CSF1R: variants seen among roughly 807,000 people sequenced by gnomAD.
CSF1R encodes macrophage colony-stimulating factor 1 receptor.
Under a neutral mutation model 110.0 loss-of-function variants are expected in CSF1R, and 40 were observed. The ratio of observed to expected loss-of-function variants is 0.36; its 90% CI spans 0.28 to 0.47. The LOEUF is 0.47. CSF1R is among the 20% of genes least tolerant of loss of function. The pLI is 0.99. For missense variants in CSF1R, 1,052 were observed against 1,253.0 expected, an observed-to-expected ratio of 0.84 and a Z score of 2.42; for synonymous variants, 523 against 503.4, an observed-to-expected ratio of 1.04 and a Z score of -0.52.
At chr5:150,060,816 C>T in intron 13 of CSF1R, 46 bp downstream of exon 13, 1 of 1,317,728 alleles carries the variant, frequency 7.6e-7, no homozygotes, top group East Asian at 2.4e-5. Context: ...CCTGAGATTC[C>T]CCAGAGGCCC....
chr5:150,064,583 C>T (rs978890237), intron 10 of CSF1R, among the ~76,000 whole-genome samples: 28 of 152,138 alleles, frequency 1.8e-4, no homozygotes, highest in East Asian at 1.9e-4. Flanking sequence ...AGCAACAAGG[C>T]AAGGAGGGGA....
At chr5:150,093,386 A>G (rs1021033788) in intron 1 of CSF1R, among the ~76,000 whole-genome samples, 1 of 152,140 alleles carries the variant, frequency 6.6e-6, no homozygotes, top group South Asian at 2.1e-4. Flanking sequence ...CCCTCATGCT[A>G]TATTTAAAGT....
chr5:150,063,881 G>C (rs1269724399), intron 10 of CSF1R, among the ~76,000 whole-genome samples: 1 of 152,152 alleles, frequency 6.6e-6, no homozygotes, highest in African/African-American at 2.4e-5. Context: ...CTGCAGCTGG[G>C]CTCCTTCCCT....
chr5:150,062,901 G>A (rs1437326436), intron 10 of CSF1R, among the ~76,000 whole-genome samples: 3 of 152,190 alleles, frequency 2.0e-5, no homozygotes, highest in African/African-American at 4.8e-5. Context: ...CTTGACATGG[G>A]AATGATCCTG....
intron 20 of CSF1R, 30 bp from the exon 21 acceptor site, chr5:150,054,254 G>A (rs770455930): frequency 7.4e-5 from 120 of 1,613,270 alleles, no homozygotes; most frequent in Non-Finnish European, 7.0e-5. Flanking sequence ...GAAACTGTCA[G>A]TCCAGATCCA....
chr5:150,069,618 G>A (rs1211692800), intron 9 of CSF1R, among the ~76,000 whole-genome samples: 1 of 152,126 alleles, frequency 6.6e-6, no homozygotes. Flanking sequence ...GCAGGGACAA[G>A]AGTGGGGGCC....
At chr5:150,099,060 A>ATTTTTTT (rs58025190) in intron 1 of CSF1R, among the ~76,000 whole-genome samples, 2 of 126,772 alleles carry the variant, frequency 1.6e-5, no homozygotes, top group Non-Finnish European at 3.3e-5. Flanking sequence ...CACCCAGCTA[A>ATTTTTTT]TTTTTTTTTT....
In CSF1R at chr5:150,069,853, G is replaced by C. The variant is rs1237680434; in HGVS notation, c.1510+20C>G. ...GGGGGCGGGCGGGGGGGCGGTGCGG[G>C]TGCGAAGGCTCCCTCTCACCTGCAG... On this transcript the variant is annotated intron_variant, in intron 9 of 20. Coordinates refer to ENST00000675795, the MANE Select transcript of CSF1R (RefSeq NM_001288705.3). 6.3e-7 allele frequency: 1 copy of C among 1,583,662 alleles called. No homozygotes were observed. Among genetic ancestry groups the C allele is most frequent in the Non-Finnish European group, 8.6e-7 (1 of 1,162,604 alleles).
Position 150,068,227 on chromosome 5 carries a change from G to A in CSF1R, c.1614C>T (p.Tyr538=). 2 of 1,611,346 alleles carry A rather than the reference G, an allele frequency of 1.2e-6. No individual in the cohort carries two copies. The highest frequency in any genetic ancestry group is 4.5e-5 in the East Asian group (2 of 44,858). ...CGCTCCGGCTCACCTGCTTATACTTGTACAATAGCAGCAGGAGCAGCAGCA... is the reference window on the plus strand; with the variant it reads ...CGCTCCGGCTCACCTGCTTATACTTATACAATAGCAGCAGGAGCAGCAGCA... The part of the protein sequence containing the change: ...LLLLLLLLLL[Y]KYKQKPKYQV... The change falls in exon 10 of 21, where the codon TAC becomes TAT. Residue 538 remains tyrosine (Y), a synonymous_variant. Transcript: ENST00000675795.
At chr5:150,059,664 G>T in intron 14 of CSF1R, 36 bp downstream of exon 14, 1 of 1,607,704 alleles carries the variant, frequency 6.2e-7, no homozygotes, top group South Asian at 1.1e-5. Context: ...CTGCCTCCCA[G>T]ACCTGGCCTT....
rs1369248163 is a variant in CSF1R, at chr5:150,054,530, C to T, written c.2655-100G>A. 4 of 950,174 alleles carry T rather than the reference C, an allele frequency of 4.2e-6. No homozygotes were observed. The Admixed American group carries it at 8.5e-5, about 20-fold the overall frequency. 58.9% of individuals were successfully genotyped at this position (950,174 alleles called of 1,614,324 possible). ...GACCTACCCAGCAGAGGTCCCCAAA[C>T]CCAGTCAAAGTAAGTTTAGTATAAA... On this transcript the variant is annotated intron_variant, in intron 19 of 20. Transcript: ENST00000675795.
At chr5:150,070,419 G>T (rs1757982464) in intron 7 of CSF1R, 37 bp downstream of exon 7, 2 of 1,559,970 alleles carry the variant, frequency 1.3e-6, no homozygotes, top group Non-Finnish European at 1.7e-6. Context: ...CAGTCCCAGG[G>T]CCTCCGCCCC....
In CSF1R at chr5:150,072,426, C is replaced by T. The variant is rs140293432; in HGVS notation, c.1082+875G>A. Among the ~76,000 whole-genome samples, 290 of 151,862 alleles carry T rather than the reference C, an allele frequency of 1.9e-3. 1 individual carries two copies. The highest frequency in any genetic ancestry group is 6.5e-3 in the African/African-American group (268 of 41,408). ...GGAGAATCACTTGAACCCGGGAGGC[C>T]GAGTTTGCAGTGAGCCGAGATTGTG... On this transcript the variant is annotated intron_variant, in intron 6 of 20. Coordinates refer to ENST00000675795, the MANE Select transcript of CSF1R (RefSeq NM_001288705.3).
At chr5:150,102,048 T>C (rs962052715) in intron 1 of CSF1R, among the ~76,000 whole-genome samples, 1 of 152,180 alleles carries the variant, frequency 6.6e-6, no homozygotes. Context: ...AAATGGACAC[T>C]CTAGTTCCTT....
rs557529867 is a variant in CSF1R at position 150,061,413 on chromosome 5, C to T, written c.1858+78G>A. 1.0e-5 allele frequency: 13 copies of T among 1,259,224 alleles called. No homozygotes were observed. The Admixed American group carries it at 2.5e-4, about 25-fold the overall frequency. 78.0% of individuals were successfully genotyped at this position (1,259,224 alleles called of 1,614,324 possible). On this transcript the variant is annotated intron_variant, in intron 12 of 20. Coordinates refer to ENST00000675795, the MANE Select transcript of CSF1R (RefSeq NM_001288705.3). Reference sequence around the variant, plus strand: ...CAACAGGTTGAAATGTGTGTGATGCCTCTTGTGACACCAGGGCCAGCCCAC... The same window carrying T: ...CAACAGGTTGAAATGTGTGTGATGCTTCTTGTGACACCAGGGCCAGCCCAC...
intron 1 of CSF1R, chr5:150,098,363 A>G (rs1007466187): frequency 1.3e-5 from 2 of 152,260 alleles, no homozygotes; most frequent in African/African-American, 4.8e-5. Flanking sequence ...CTTAAACACA[A>G]CATTTAAAAA....
intron 6 of CSF1R, 152 bp downstream of exon 6, chr5:150,073,149 C>T: frequency 1.4e-6 from 1 of 707,114 alleles, no homozygotes; most frequent in Middle Eastern, 4.3e-4. Flanking sequence ...ATTGGGATTC[C>T]ATGAAGTCAG....
At position 150,086,540 on chromosome 5, in the gene CSF1R, C is replaced by G. The variant is rs1255086427; in HGVS notation, c.-113G>C. On this transcript the variant is annotated 5_prime_UTR_variant, in exon 1 of 21. Transcript: ENST00000675795. ...GACACTGGACACACGTTCCTCTCCT[C>G]TGCACTGGCTGTTTGTCTTGTTTTC... 1 of 952,938 alleles carries G rather than the reference C, an allele frequency of 1.0e-6. No individual in the cohort carries two copies. The allele number at this position is 952,938 out of a possible 1,614,324, so 59.0% of individuals were successfully genotyped here.
chr5:150,068,864 T>C (rs216151), intron 9 of CSF1R, among the ~76,000 whole-genome samples: 115,858 of 152,192 alleles, frequency 0.76, 44,130 homozygotes, highest in East Asian at 0.79. Context: ...CTAGTTCTAG[T>C]GATGTTTTGG....
Sources: allele counts gnomAD v4.1 joint callset (sites outside exome capture counted in the v4.1 genomes callset), GRCh38; gene constraint gnomAD v4.1.1; transcripts MANE v1.5; gene names NCBI Gene and HGNC (gene_info 2026-07-23, HGNC 2026-07-21).